The following ZNF469 variants were observed in gnomAD, a reference collection of about 807,000 sequenced individuals.
ZNF469 encodes the protein zinc finger protein 469.
In ZNF469, 1 loss-of-function variant was observed where a neutral mutation model predicts 1.0. The observed-to-expected ratio is 1.00, with a 90% CI of 0.35 to 4.73. The LOEUF is 4.73. Among genes scored for constraint, ZNF469 ranks in the 30% most tolerant of loss-of-function variants. ZNF469 has a pLI of 0.16. For synonymous variants in ZNF469, 2,703 were observed against 2,363.4 expected, an observed-to-expected ratio of 1.14 and a Z score of -4.17; for missense variants, 6,100 against 5,356.3, an observed-to-expected ratio of 1.14 and a Z score of -4.33.
In ZNF469 at chr16:88,429,627, C is replaced by T; in HGVS notation, c.2157C>T (p.Leu719=). The T allele has an allele frequency of 6.5e-7, 1 of 1,545,178 alleles. No homozygotes were observed. Among genetic ancestry groups the T allele is most frequent in the Non-Finnish European group, 8.7e-7 (1 of 1,143,596 alleles). Residue 719 remains leucine (L), a synonymous_variant, in exon 3 of 3, where the codon CTC becomes CTT. Coordinates refer to ENST00000565624, the MANE Select transcript of ZNF469 (RefSeq NM_001367624.2). ...CGTACCCCACACACCACTTCTCCCTCAGCAGCGCCAGCCTGGACCAGCTGG... is the reference window on the plus strand; with the variant it reads ...CGTACCCCACACACCACTTCTCCCTTAGCAGCGCCAGCCTGGACCAGCTGG... The part of the protein sequence containing the change: ...PPPYPTHHFS[L]SSASLDQLDV...
At chr16:88,375,134 A>G in the ZNF469 span, among the ~76,000 whole-genome samples, 1 of 152,242 alleles carries the variant, frequency 6.6e-6, no homozygotes, top group Non-Finnish European at 1.5e-5. Context: ...CTGGTTATGA[A>G]ATAGAATTCA....
chr16:88,209,716 A>G, the ZNF469 span, among the ~76,000 whole-genome samples: 1 of 152,344 alleles, frequency 6.6e-6, no homozygotes. Flanking sequence ...AAATGACTCC[A>G]TATGAGTTCA....
At position 88,434,984 on chromosome 16, in the gene ZNF469, C is replaced by G. The variant is rs552311966; in HGVS notation, c.7514C>G (p.Pro2505Arg). The G allele has an allele frequency of 1.3e-6, 2 of 1,550,156 alleles. No homozygotes were observed. Among genetic ancestry groups the G allele is most frequent in the Non-Finnish European group, 8.7e-7 (1 of 1,146,934 alleles). ...HRPHPGAPAE[P>R]SPAALPAQQP... is the part of the protein sequence containing the mutation. Reference sequence around the variant, plus strand: ...CCACACCCGGGAGCCCCCGCGGAGCCGAGCCCAGCGGCCTTGCCTGCTCAG... The same window carrying G: ...CCACACCCGGGAGCCCCCGCGGAGCGGAGCCCAGCGGCCTTGCCTGCTCAG... The change falls in exon 3 of 3, where the codon CCG (proline) becomes CGG (arginine). Residue 2505 changes from proline (P) to arginine (R), a missense_variant. Transcript: ENST00000565624.
chr16:88,308,672 G>A, the ZNF469 span, among the ~76,000 whole-genome samples: 1 of 152,186 alleles, frequency 6.6e-6, no homozygotes, highest in African/African-American at 2.4e-5. Flanking sequence ...GGCATGGTGA[G>A]GGCTGGAAGA....
chr16:88,296,343 C>T, the ZNF469 span, among the ~76,000 whole-genome samples: 7 of 152,196 alleles, frequency 4.6e-5, no homozygotes, highest in African/African-American at 1.4e-4. Context: ...GGGGGAATGA[C>T]ACACACACTC....
the ZNF469 span, among the ~76,000 whole-genome samples, chr16:88,241,197 GTC>G: frequency 1.3e-5 from 2 of 152,154 alleles, no homozygotes; most frequent in South Asian, 2.1e-4. This position sits in a 1 kb window ranked among gnomAD's most constrained non-coding sequence, Gnocchi z 4.8. Context: ...ACAAAACCCT[GTC>G]TCTACTAAAA....
chr16:88,399,595 G>C (rs1904796724), intron 1 of ZNF469, among the ~76,000 whole-genome samples: 1 of 152,198 alleles, frequency 6.6e-6, no homozygotes. Context: ...AGCCAGAAAT[G>C]AGTATCTGTG....
the ZNF469 span, among the ~76,000 whole-genome samples, chr16:88,125,721 T>C: frequency 1.3e-5 from 2 of 152,232 alleles, no homozygotes; most frequent in African/African-American, 4.8e-5. Context: ...TTTTGTTAAA[T>C]TTATCCCTAA....
chr16:88,434,278 TCTC>T lies in ZNF469; in HGVS notation c.6815_6817del (p.Pro2272del). On this transcript the variant is annotated inframe_deletion, in exon 3 of 3. Coordinates refer to ENST00000565624, the MANE Select transcript of ZNF469 (RefSeq NM_001367624.2). ...GTGGGAGTCTCCTGGCCGAGCCACC[TCTC>T]CTCCTCTGGCAGGGGCCGTCTCCCC... 3 of 1,550,236 alleles carry T rather than the reference TCTC, an allele frequency of 1.9e-6. No individual in the cohort carries two copies. The highest frequency in any genetic ancestry group is 1.7e-6 in the Non-Finnish European group (2 of 1,146,940).
At chr16:88,155,633 A>G in the ZNF469 span, among the ~76,000 whole-genome samples, 1 of 152,328 alleles carries the variant, frequency 6.6e-6, no homozygotes, top group East Asian at 1.9e-4. Flanking sequence ...TGTGGACCAG[A>G]ACCCCATTCC....
chr16:88,433,497 A>G lies in ZNF469; in HGVS notation c.6027A>G (p.Pro2009=). ...NQLQPENGVS[P]GGTDNHASVN... ...TTCAGCCAGAGAACGGGGTGAGCCC[A>G]GGGGGCACGGACAACCACGCCTCAG... Residue 2009 remains proline (P), a synonymous_variant, in exon 3 of 3, where the codon CCA becomes CCG. Coordinates refer to ENST00000565624, the MANE Select transcript of ZNF469 (RefSeq NM_001367624.2). 1 of 1,550,374 alleles carries G rather than the reference A, an allele frequency of 6.5e-7. No individual in the cohort carries two copies.
chr16:88,437,794 A>AGG lies in ZNF469; in HGVS notation c.10331_10332dup (p.Arg3445GlyfsTer57). 1.3e-6 allele frequency: 2 copies of AGG among 1,545,150 alleles called. No individual in the cohort carries two copies. The highest frequency in any genetic ancestry group is 1.7e-6 in the Non-Finnish European group (2 of 1,143,256). On this transcript the variant is annotated frameshift_variant, in exon 3 of 3. Transcript: ENST00000565624. LOFTEE classifies it low-confidence loss of function (END_TRUNC). Reference sequence around the variant, plus strand: ...CGACCGCCACATGAACAAGCACCTCAGGGGGGGGCGGCAGCCCTTCGCGTT... The same window carrying AGG: ...CGACCGCCACATGAACAAGCACCTCAGGGGGGGGGGCGGCAGCCCTTCGCGTT...
At chr16:88,243,962 G>GTGGA in the ZNF469 span, among the ~76,000 whole-genome samples, 23 of 107,520 alleles carry the variant, frequency 2.1e-4, no homozygotes, top group African/African-American at 5.1e-4. Context: ...AAATGTATGT[G>GTGGA]TGGATGGATG....
upstream of ZNF469, among the ~76,000 whole-genome samples, chr16:88,380,190 C>T (rs1161756712): frequency 6.6e-6 from 1 of 151,056 alleles, no homozygotes; most frequent in Admixed American, 6.6e-5. Flanking sequence ...CAAATGCACT[C>T]ACACACAGAC....
At chr16:88,184,577 C>A in the ZNF469 span, among the ~76,000 whole-genome samples, 1 of 152,024 alleles carries the variant, frequency 6.6e-6, no homozygotes, top group East Asian at 1.9e-4. Context: ...TGTGGACGCC[C>A]GCGCCACCTT....
chr16:88,155,855 G>C, the ZNF469 span, among the ~76,000 whole-genome samples: 6 of 152,208 alleles, frequency 3.9e-5, no homozygotes, highest in African/African-American at 1.4e-4. Context: ...GCTGCACCAT[G>C]ACGTTCCCAC....
the ZNF469 span, among the ~76,000 whole-genome samples, chr16:88,286,012 T>C: frequency 6.6e-6 from 1 of 152,214 alleles, no homozygotes; most frequent in Non-Finnish European, 1.5e-5. Context: ...CGCCATCTCC[T>C]TCCTTTCAGA....
the ZNF469 span, among the ~76,000 whole-genome samples, chr16:88,254,547 C>T: frequency 1.2e-4 from 18 of 152,190 alleles, no homozygotes; most frequent in South Asian, 3.5e-3. Flanking sequence ...CACTCGAGGT[C>T]AGGAGTTCAA....
chr16:88,173,619 T>C, the ZNF469 span, among the ~76,000 whole-genome samples: 2 of 152,184 alleles, frequency 1.3e-5, no homozygotes, highest in Non-Finnish European at 2.9e-5. Flanking sequence ...TCCTCAATAA[T>C]TCACTGTTTA....
Sources: allele counts gnomAD v4.1 joint callset (sites outside exome capture counted in the v4.1 genomes callset), GRCh38; gene constraint gnomAD v4.1.1; non-coding constraint Gnocchi (gnomAD v3.1); transcripts MANE v1.5; gene names NCBI Gene and HGNC (gene_info 2026-07-23, HGNC 2026-07-21).